SRGAP3: variants seen among roughly 807,000 people sequenced by gnomAD.
SRGAP3 encodes SLIT-ROBO Rho GTPase activating protein 3.
SRGAP3 carries 39 observed loss-of-function variants against 121.1 expected under a neutral mutation model. The observed-to-expected ratio is 0.32, with a 90% CI of 0.25 to 0.42. The LOEUF is 0.42. SRGAP3 is among the 10% of genes least tolerant of loss of function. The pLI, the probability that SRGAP3 is intolerant of heterozygous loss-of-function variation, is 1.00. For synonymous variants in SRGAP3, 601 were observed against 570.0 expected, an observed-to-expected ratio of 1.05 and a Z score of -0.77; for missense variants, 1,213 against 1,470.6, an observed-to-expected ratio of 0.82 and a Z score of 2.86.
At position 9,053,088 on chromosome 3, in the gene SRGAP3, C is replaced by T. The variant is rs200966240; in HGVS notation, c.1262G>A (p.Ser421Asn). The change falls in exon 9 of 22, where the codon AGC (serine) becomes AAC (asparagine). Residue 421 changes from serine to asparagine, a missense_variant. Around this residue, in one of 2 missense-constraint regions of SRGAP3, gnomAD observed 793 missense variants for 1,032.9 expected, o/e 0.77. Transcript: ENST00000383836. ...TCTCCTCTTGGCAATGTTGATCTTG[C>T]TCATGTAGGTCTCAGAGGCAGCCGA... ...VKSAASETYM[S>N]KINIAKRRAN... 1 of 1,614,172 alleles carries T rather than the reference C, an allele frequency of 6.2e-7. No individual in the cohort carries two copies. The highest frequency in any genetic ancestry group is 8.5e-7 in the Non-Finnish European group (1 of 1,180,034).
intron 1 of SRGAP3, among the ~76,000 whole-genome samples, chr3:9,203,676 G>A (rs75091494): frequency 1.5e-3 from 226 of 152,342 alleles, no homozygotes; most frequent in African/African-American, 5.2e-3. Context: ...GGGATGGAAT[G>A]TGTTTATTCA....
intron 3 of SRGAP3, among the ~76,000 whole-genome samples, chr3:9,081,502 C>T (rs546418490): frequency 8.5e-4 from 129 of 152,322 alleles, no homozygotes; most frequent in Middle Eastern, 6.8e-3. Context: ...CTGAAGATCA[C>T]TGCTAGATGC....
intron 14 of SRGAP3, among the ~76,000 whole-genome samples, chr3:9,019,574 G>T (rs1333676397): frequency 1.3e-5 from 2 of 152,232 alleles, no homozygotes; most frequent in African/African-American, 2.4e-5. Context: ...GAACAGCGAA[G>T]AGCACCTCTA....
At chr3:9,231,301 T>G (rs1048570484) in intron 1 of SRGAP3, among the ~76,000 whole-genome samples, 3 of 152,222 alleles carry the variant, frequency 2.0e-5, no homozygotes, top group African/African-American at 7.2e-5. Context: ...GGATTTGCCT[T>G]CTCACAATCC....
intron 10 of SRGAP3, among the ~76,000 whole-genome samples, chr3:9,043,741 C>T (rs895820774): frequency 6.6e-6 from 1 of 152,088 alleles, no homozygotes; most frequent in African/African-American, 2.4e-5. Context: ...TCTAGAAAGT[C>T]AGATGGCCTG....
chr3:9,028,841 G>T (rs1434284375), intron 12 of SRGAP3, among the ~76,000 whole-genome samples: 1 of 152,192 alleles, frequency 6.6e-6, no homozygotes, highest in Non-Finnish European at 1.5e-5. Context: ...GGAAGGCCTG[G>T]AGGAGAAAGG....
chr3:9,332,603 G>C (rs960348743), intron 1 of SRGAP3, among the ~76,000 whole-genome samples: 3 of 152,194 alleles, frequency 2.0e-5, no homozygotes, highest in Non-Finnish European at 4.4e-5. Flanking sequence ...GCAAAAAAAA[G>C]AATGTCAAGA....
chr3:9,031,273 TGGGCAAGGATGAAA>T (rs1167675108), intron 12 of SRGAP3, among the ~76,000 whole-genome samples: 1 of 152,186 alleles, frequency 6.6e-6, no homozygotes, highest in African/African-American at 2.4e-5. Flanking sequence ...GGCTCTTTTA[TGGGCAAGGATGAAA>T]GAAGAAAGTC....
chr3:9,199,147 G>C (rs1471998802), intron 1 of SRGAP3, among the ~76,000 whole-genome samples: 3 of 152,134 alleles, frequency 2.0e-5, no homozygotes, highest in Non-Finnish European at 4.4e-5. Context: ...TAATCTCCAA[G>C]AAGGATGCTC....
intron 3 of SRGAP3, among the ~76,000 whole-genome samples, chr3:9,280,675 G>C (rs1954659054): frequency 6.6e-6 from 1 of 152,170 alleles, no homozygotes; most frequent in Non-Finnish European, 1.5e-5. Flanking sequence ...CACTGCTTGA[G>C]AGTTAACTAT....
At chr3:9,138,086 A>G (rs1300554522) in intron 1 of SRGAP3, among the ~76,000 whole-genome samples, 3 of 152,242 alleles carry the variant, frequency 2.0e-5, no homozygotes, top group Non-Finnish European at 4.4e-5. Context: ...TTTTAATCAT[A>G]CTTTCCTCCC....
upstream of SRGAP3, among the ~76,000 whole-genome samples, chr3:9,252,517 C>G (rs955646460): frequency 6.6e-6 from 1 of 152,100 alleles, no homozygotes; most frequent in Admixed American, 6.5e-5. Flanking sequence ...AGGACTAGAG[C>G]TTGGTCTCCA....
intron 12 of SRGAP3, among the ~76,000 whole-genome samples, chr3:9,030,950 CTTTT>C (rs35661722): frequency 6.6e-6 from 1 of 151,616 alleles, no homozygotes; most frequent in Non-Finnish European, 1.5e-5. Context: ...CTCTGAACTT[CTTTT>C]TTTTTGTTGT....
chr3:9,020,324 T>TC (rs1314192606), intron 14 of SRGAP3, among the ~76,000 whole-genome samples: 1 of 152,124 alleles, frequency 6.6e-6, no homozygotes, highest in African/African-American at 2.4e-5. Flanking sequence ...CTTTTTTTTT[T>TC]CTCAGTAAAA....
intron 11 of SRGAP3, chr3:9,033,558 G>C (rs1944599594): frequency 6.6e-6 from 1 of 152,426 alleles, no homozygotes; most frequent in African/African-American, 2.4e-5. Context: ...CGAGTAGCTG[G>C]GATTACAGGC....
intron 3 of SRGAP3, among the ~76,000 whole-genome samples, chr3:9,286,063 GA>G (rs1228066268): frequency 6.6e-6 from 1 of 151,260 alleles, no homozygotes; most frequent in Non-Finnish European, 1.5e-5. Context: ...AGTGAGCTGT[GA>G]TCATGCCACT....
At chr3:9,238,141 G>C (rs978694540) in intron 1 of SRGAP3, among the ~76,000 whole-genome samples, 12 of 152,170 alleles carry the variant, frequency 7.9e-5, no homozygotes, top group African/African-American at 2.7e-4. Context: ...GCCAACTGTG[G>C]GTGAGAAGCT....
At chr3:9,050,434 C>A (rs1053960569) in intron 9 of SRGAP3, among the ~76,000 whole-genome samples, 1 of 152,130 alleles carries the variant, frequency 6.6e-6, no homozygotes, top group Admixed American at 6.6e-5. Context: ...CATCTCTGTC[C>A]GCCTCATTTA....
chr3:9,030,808 G>A (rs902266097), intron 12 of SRGAP3, among the ~76,000 whole-genome samples: 1 of 152,298 alleles, frequency 6.6e-6, no homozygotes, highest in African/African-American at 2.4e-5. Flanking sequence ...GGATGTCCCT[G>A]TCTCTGAGCC....
Sources: allele counts gnomAD v4.1 joint callset (sites outside exome capture counted in the v4.1 genomes callset), GRCh38; gene constraint gnomAD v4.1.1; regional missense constraint gnomAD v4.1.1; transcripts MANE v1.5; gene names NCBI Gene and HGNC (gene_info 2026-07-23, HGNC 2026-07-21).